The following GLCE variants were observed in gnomAD, a reference collection of about 807,000 sequenced individuals.
GLCE encodes the protein D-glucuronyl C5-epimerase.
GLCE carries 19 observed loss-of-function variants against 47.9 expected under a neutral mutation model. The ratio of observed to expected loss-of-function variants is 0.40; its 90% confidence interval spans 0.28 to 0.58. The LOEUF (loss-of-function observed/expected upper bound fraction) is 0.58, where lower values mean the gene tolerates loss of function less well. Ranked by LOEUF, GLCE falls within the 20% of genes least tolerant of loss-of-function variation. GLCE has a pLI of 0.48. For synonymous variants in GLCE, 245 were observed against 263.4 expected (o/e 0.93, Z 0.68); for missense variants, 556 against 743.3 (o/e 0.75, Z 2.93).
intron 3 of GLCE, among the ~76,000 whole-genome samples, chr15:69,260,216 G>A (rs2052991980): frequency 6.7e-6 from 1 of 148,204 alleles, no homozygotes; most frequent in Non-Finnish European, 1.5e-5. Flanking sequence ...AGAATTTCAA[G>A]CTGTGTTTAT....
chr15:69,182,296 T>TGA lies in GLCE; in HGVS notation c.-105+21540_-105+21541insAG, dbSNP rs1437680533. ...GTGTGTGTGTGTGTGTGTGTGTGTG[T>TGA]GTGAGAGAGAGAGAGAGAGAGTGCA... On this transcript the variant is annotated intron_variant, in intron 1 of 4. Transcript: ENST00000261858. 3.5e-4 allele frequency among the ~76,000 whole-genome samples: 52 copies of TGA among 150,570 alleles called. 1 individual carries two copies. The highest frequency in any genetic ancestry group is 8.6e-4 in the African/African-American group (35 of 40,662).
intron 1 of GLCE, chr15:69,196,759 G>C (rs890755888): frequency 1.2e-5 from 2 of 161,038 alleles, no homozygotes; most frequent in Admixed American, 1.3e-4. Context: ...GTAAAAGCTC[G>C]ATAAGTGGGT....
At chr15:69,226,311 G>C (rs1174036255) in intron 2 of GLCE, among the ~76,000 whole-genome samples, 1 of 152,104 alleles carries the variant, frequency 6.6e-6, no homozygotes, top group Non-Finnish European at 1.5e-5. Context: ...GAAGTGTTAG[G>C]TTAGATAGAA....
At chr15:69,220,158 TTAA>T (rs770158329) in intron 2 of GLCE, among the ~76,000 whole-genome samples, 2 of 152,142 alleles carry the variant, frequency 1.3e-5, no homozygotes, top group African/African-American at 2.4e-5. Context: ...TTGGCTATTG[TTAA>T]TAATGCTGCT....
chr15:69,179,327 A>G (rs2051717300), intron 1 of GLCE, among the ~76,000 whole-genome samples: 2 of 152,184 alleles, frequency 1.3e-5, no homozygotes, highest in African/African-American at 4.8e-5. Context: ...GAAGTTGGAA[A>G]ATTCGTGCAG....
chr15:69,162,223 G>A (rs2051435182), intron 1 of GLCE, among the ~76,000 whole-genome samples: 2 of 152,132 alleles, frequency 1.3e-5, no homozygotes, highest in Admixed American at 6.5e-5. Flanking sequence ...TATTGTAAAA[G>A]TGTATTTAGC....
At chr15:69,238,489 A>G (rs906140448) in intron 2 of GLCE, among the ~76,000 whole-genome samples, 2 of 152,236 alleles carry the variant, frequency 1.3e-5, no homozygotes. Flanking sequence ...TGCTTAGCAT[A>G]TATGGTAAAA....
intron 4 of GLCE, among the ~76,000 whole-genome samples, chr15:69,265,248 C>G (rs2053068883): frequency 2.0e-5 from 3 of 151,616 alleles, no homozygotes. Context: ...TCATGGCTTT[C>G]AAACAATAAA....
chr15:69,218,149 C>CA (rs773040702), intron 2 of GLCE, among the ~76,000 whole-genome samples: 10,538 of 53,644 alleles, frequency 0.2, 748 homozygotes, highest in East Asian at 0.25. Flanking sequence ...GAGACTGTCT[C>CA]AAAAAAAAAA....
In GLCE at chr15:69,177,045, A is replaced by G. The variant is rs187754752; in HGVS notation, c.-105+16288A>G. On this transcript the variant is annotated intron_variant, in intron 1 of 4. Transcript: ENST00000261858. Reference sequence around the variant, plus strand: ...TATTTGCTTTTTTTTTTTTTTTGAGACAGTCTCTTTGTCACCTAGGCTGGA... The same window carrying G: ...TATTTGCTTTTTTTTTTTTTTTGAGGCAGTCTCTTTGTCACCTAGGCTGGA... Among the ~76,000 whole-genome samples the G allele has an allele frequency of 2.4e-3, 362 of 149,106 alleles. 1 individual carries two copies. The highest frequency in any genetic ancestry group is 6.6e-3 in the African/African-American group (267 of 40,520).
At chr15:69,262,625 G>A (rs1351634846) in intron 4 of GLCE, among the ~76,000 whole-genome samples, 4 of 152,034 alleles carry the variant, frequency 2.6e-5, no homozygotes, top group Non-Finnish European at 5.9e-5. Flanking sequence ...TGCACTTTTG[G>A]GTGCTTTGAG....
At chr15:69,185,662 C>T (rs916087542) in intron 1 of GLCE, among the ~76,000 whole-genome samples, 10 of 152,022 alleles carry the variant, frequency 6.6e-5, no homozygotes, top group Non-Finnish European at 1.5e-4. Context: ...TCTCACACCA[C>T]CACAAAAATC....
chr15:69,168,954 A>T (rs889912930), intron 1 of GLCE, among the ~76,000 whole-genome samples: 3 of 152,202 alleles, frequency 2.0e-5, no homozygotes, highest in Non-Finnish European at 4.4e-5. Flanking sequence ...CAACAATCAG[A>T]TCAAGATAGA....
chr15:69,267,175 G>A (rs1373586318), intron 4 of GLCE, among the ~76,000 whole-genome samples: 1 of 152,122 alleles, frequency 6.6e-6, no homozygotes. Context: ...AAATATTCAA[G>A]AGAAATTTTC....
intron 1 of GLCE, among the ~76,000 whole-genome samples, chr15:69,199,702 A>C (rs1236566845): frequency 6.6e-6 from 1 of 152,210 alleles, no homozygotes; most frequent in Non-Finnish European, 1.5e-5. Flanking sequence ...TCCTGACTCC[A>C]TTCAGTGCAC....
chr15:69,243,962 A>G (rs1181673039), intron 2 of GLCE, among the ~76,000 whole-genome samples: 1 of 152,094 alleles, frequency 6.6e-6, no homozygotes, highest in African/African-American at 2.4e-5. Flanking sequence ...TTATCTTTAG[A>G]TTCTTCTTTT....
chr15:69,221,055 C>CA (rs1010128103), intron 2 of GLCE, among the ~76,000 whole-genome samples: 22 of 152,204 alleles, frequency 1.4e-4, no homozygotes, highest in African/African-American at 5.1e-4. Flanking sequence ...CCACCCTTGT[C>CA]AAAAATTATT....
chr15:69,211,692 A>T (rs1333956850), intron 2 of GLCE, among the ~76,000 whole-genome samples: 1 of 151,992 alleles, frequency 6.6e-6, no homozygotes, highest in Non-Finnish European at 1.5e-5. Flanking sequence ...TTTCCAACCA[A>T]TATCATAAAG....
chr15:69,262,817 G>T (rs1182514035), intron 4 of GLCE, among the ~76,000 whole-genome samples: 1 of 152,176 alleles, frequency 6.6e-6, no homozygotes, highest in Non-Finnish European at 1.5e-5. Flanking sequence ...CTCCCTGTTG[G>T]TGGAAGCGTG....
Sources: allele counts gnomAD v4.1 joint callset (sites outside exome capture counted in the v4.1 genomes callset), GRCh38; gene constraint gnomAD v4.1.1; transcripts MANE v1.5; gene names NCBI Gene and HGNC (gene_info 2026-07-23, HGNC 2026-07-21).